The following JOSD2 variants were observed in gnomAD, a reference collection of about 807,000 sequenced individuals.
JOSD2 encodes josephin-2.
JOSD2 carries 20 observed loss-of-function variants against 19.3 expected under a neutral mutation model. That is an observed-to-expected ratio of 1.04 (90% confidence interval 0.73 to 1.51). The LOEUF is 1.51. JOSD2 is among the 40% of genes most tolerant of loss of function. The pLI is 0.00. For synonymous variants in JOSD2, 118 were observed against 123.7 expected (o/e 0.95, Z 0.31); for missense variants, 215 against 250.4 (o/e 0.86, Z 0.95).
chr19:50,508,113 T>C, intron 2 of JOSD2: 1 of 284,426 alleles, frequency 3.5e-6, no homozygotes, highest in East Asian at 1.0e-4. Context: ...CTCCCTCCAG[T>C]CCATTCCCAC....
chr19:50,506,524 G>A lies in JOSD2; in HGVS notation c.321C>T (p.Asn107=), dbSNP rs1370831364. The A allele has an allele frequency of 4.5e-6, 7 of 1,551,818 alleles. No homozygotes were observed. Among genetic ancestry groups the A allele is most frequent in the Non-Finnish European group, 6.1e-6 (7 of 1,148,068 alleles). The change falls in exon 4 of 5, where the codon AAC becomes AAT. Residue 107 remains asparagine (N), a synonymous_variant. Transcript: ENST00000598418. The part of the protein sequence containing the change: ...ALPQVLGLIL[N]LPSPVSLGLL... ...GCCCCAGCGACACGGGCGAGGGCAG[G>A]TTCAGGATCAGCCCCAGTACCTGGG...
rs764677060 is a variant in JOSD2 at position 50,510,417 on chromosome 19, C to T, written c.15G>A (p.Pro5=). The part of the protein sequence containing the change: MSQA[P]GAQPSPPTVY... ...CGGTGGGTGGGCTCGGCTGTGCTCC[C>T]GGGGCCTGGGACATGCCGTCCTCGG... Residue 5 remains proline (P), a synonymous_variant, in exon 2 of 5, where the codon CCG becomes CCA. Transcript: ENST00000598418. 1.9e-6 allele frequency: 3 copies of T among 1,610,082 alleles called. No homozygotes were observed. The highest frequency in any genetic ancestry group is 2.5e-6 in the Non-Finnish European group (3 of 1,178,080).
At position 50,506,037 on chromosome 19, in the gene JOSD2, T is replaced by A; in HGVS notation, c.*136A>T. 1.4e-6 allele frequency: 1 copy of A among 713,348 alleles called. No homozygotes were observed. Among genetic ancestry groups the A allele is most frequent in the Non-Finnish European group, 2.3e-6 (1 of 443,568 alleles). The allele number at this position is 713,348 out of a possible 1,614,324, so 44.2% of individuals were successfully genotyped here. A position where few individuals can be genotyped will look rare whatever the true frequency, so the allele number is the denominator to read the frequency against. On this transcript the variant is annotated 3_prime_UTR_variant, in exon 5 of 5. Transcript: ENST00000598418. ...AGATTTATTGAGGCAGCAGCGGCAG[T>A]GGGGAGCAGGGGTGTGGGGAGGGGG...
At chr19:50,506,673 C>T in intron 3 of JOSD2, 101 bp from the exon 4 acceptor site, 1 of 1,054,750 alleles carries the variant, frequency 9.5e-7, no homozygotes. Flanking sequence ...GTGAGGGCCT[C>T]CTGAGCCCAC....
chr19:50,510,849 T>G (rs1013902290), intron 1 of JOSD2, among the ~76,000 whole-genome samples: 2 of 150,612 alleles, frequency 1.3e-5, no homozygotes. Context: ...CACCTAGCAA[T>G]AGAGAATCCT....
In JOSD2 at chr19:50,506,480, C is replaced by T. The variant is rs772170649; in HGVS notation, c.365G>A (p.Arg122His). Residue 122 changes from arginine (R) to histidine (H), a missense_variant, in exon 4 of 5, where the codon CGC (arginine) becomes CAC (histidine). Physicochemically the swap from Arg to His is conservative, Grantham distance 29. Coordinates refer to ENST00000598418, the MANE Select transcript of JOSD2 (RefSeq NM_001270639.2). ...GCGCAGGGCCACCCAGTGCCGCCGG[C>T]GCAGCGGCAGTGACAGCAGCCCCAG... is the stretch of plus-strand genomic sequence containing the variant. ...VSLGLLSLPL[R>H]RRHWVALRQV... is the part of the protein sequence containing the mutation. 15 of 1,572,068 alleles carry T rather than the reference C, an allele frequency of 9.5e-6. No homozygotes were observed. The highest frequency in any genetic ancestry group is 5.6e-5 in the Admixed American group (3 of 53,778).
At position 50,507,906 on chromosome 19, in the gene JOSD2, C is replaced by G. The variant is rs1251018426; in HGVS notation, c.147-207G>C. On this transcript the variant is annotated intron_variant, in intron 2 of 4. Coordinates refer to ENST00000598418, the MANE Select transcript of JOSD2 (RefSeq NM_001270639.2). ...CTCTCCTGCCCTGACTCTGCCCTGT[C>G]CCCAAGTCCTGCCTCTCCTGCCCCG... 9.3e-6 allele frequency: 6 copies of G among 642,416 alleles called. No individual in the cohort carries two copies. In the East Asian group the frequency reaches 1.4e-4, roughly 15 times the overall value. The allele number at this position is 642,416 out of a possible 1,614,324, so 39.8% of individuals were successfully genotyped here.
chr19:50,510,469 A>C (rs1406775071), intron 1 of JOSD2, 21 bp from the exon 2 acceptor site: 2 of 1,579,078 alleles, frequency 1.3e-6, no homozygotes, highest in Non-Finnish European at 1.7e-6. Context: ...GGAGGGGGAG[A>C]AGGTCCTCAG....
rs1270091513 is a variant in JOSD2, at chr19:50,506,281, G to A, written c.468-9C>T. 2.5e-6 allele frequency: 4 copies of A among 1,612,176 alleles called. No homozygotes were observed. Among genetic ancestry groups the A allele is most frequent in the Non-Finnish European group, 3.4e-6 (4 of 1,179,568 alleles). On this transcript the variant is annotated splice_polypyrimidine_tract_variant and intron_variant, in intron 4 of 4. Transcript: ENST00000598418. ...CAGCCGCCAGGAAGGCCCTGGGTGG[G>A]AGAAATGGGGAGACTGAGGCTCGGC...
rs373735588 is a variant in JOSD2, at chr19:50,507,555, G to A, written c.272+19C>T. The stretch of plus-strand genomic sequence containing the variant: ...CTCTGTGCCCGGCCCAGCACATGCT[G>A]TGCTGCTCTGGGGCCTACCTCCTCC... On this transcript the variant is annotated intron_variant, in intron 3 of 4. Coordinates refer to ENST00000598418, the MANE Select transcript of JOSD2 (RefSeq NM_001270639.2). 17 of 1,597,402 alleles carry A rather than the reference G, an allele frequency of 1.1e-5. No homozygotes were observed. The highest frequency in any genetic ancestry group is 1.3e-5 in the Non-Finnish European group (15 of 1,177,602).
intron 1 of JOSD2, 128 bp downstream of exon 1, chr19:50,510,989 A>G: frequency 2.4e-6 from 1 of 409,678 alleles, no homozygotes; most frequent in Non-Finnish European, 5.0e-6. Context: ...CCCAGTCACT[A>G]AGCAACAGGA....
rs1979730536 is a variant in JOSD2, at chr19:50,510,524, C to T, written c.-17-76G>A. The T allele has an allele frequency of 2.2e-6, 3 of 1,383,810 alleles. No individual in the cohort carries two copies. In the South Asian group the frequency reaches 4.1e-5, roughly 19 times the overall value. 85.7% of individuals were successfully genotyped at this position (1,383,810 alleles called of 1,614,324 possible). On this transcript the variant is annotated intron_variant, in intron 1 of 4. Transcript: ENST00000598418. Reference sequence around the variant, plus strand: ...CCAGCCTCCCAGCAGGCCTTTGGGGCATCGCCATTGATTGAGCTGGGACTC... The same window carrying T: ...CCAGCCTCCCAGCAGGCCTTTGGGGTATCGCCATTGATTGAGCTGGGACTC...
chr19:50,507,796 A>C, intron 2 of JOSD2, 97 bp from the exon 3 acceptor site: 2 of 1,452,142 alleles, frequency 1.4e-6, no homozygotes, highest in East Asian at 2.3e-5. Flanking sequence ...TCAGCCTTTG[A>C]CTCTCCCCGC....
Position 50,510,308 on chromosome 19 carries a change from C to T in JOSD2, c.124G>A (p.Ala42Thr), listed in dbSNP as rs1029751783. The T allele has an allele frequency of 6.2e-7, 1 of 1,613,296 alleles. No homozygotes were observed. The highest frequency in any genetic ancestry group is 8.5e-7 in the Non-Finnish European group (1 of 1,180,020). The part of the protein sequence containing the change: ...VLQQQLFSQE[A>T]ADEICKRLAP... ...CACCTCTTGCAGATCTCATCGGCAG[C>T]CTCCTGGCTAAAGAGCTGCTGCTGC... The change falls in exon 2 of 5, where the codon GCT becomes ACT. Residue 42 changes from alanine (A) to threonine (T), a missense_variant. By Grantham distance (58) the Ala-to-Thr change is moderately conservative. Transcript: ENST00000598418.
rs769770907 is a variant in JOSD2, at chr19:50,506,146, G to A, written c.*27C>T. On this transcript the variant is annotated 3_prime_UTR_variant, in exon 5 of 5. Coordinates refer to ENST00000598418, the MANE Select transcript of JOSD2 (RefSeq NM_001270639.2). ...CCGGAGGGGGATGCGCAGGGACTGC[G>A]CTGTGGGCGCCGATGGTCAGCCATG... is the stretch of plus-strand genomic sequence containing the variant. 6 of 1,605,830 alleles carry A rather than the reference G, an allele frequency of 3.7e-6. 1 individual carries two copies. In the South Asian group the frequency reaches 4.4e-5, roughly 12 times the overall value.
In JOSD2 at chr19:50,506,447, T is replaced by A. The variant is rs1394477645; in HGVS notation, c.398A>T (p.Asp133Val). The A allele has an allele frequency of 6.3e-7, 1 of 1,596,980 alleles. No individual in the cohort carries two copies. Among genetic ancestry groups the A allele is most frequent in the Non-Finnish European group, 8.5e-7 (1 of 1,172,958 alleles). The change falls in exon 4 of 5, where the codon GAC becomes GTC. Residue 133 changes from aspartate to valine, a missense_variant. Coordinates refer to ENST00000598418, the MANE Select transcript of JOSD2 (RefSeq NM_001270639.2). Reference sequence around the variant, plus strand: ...GGAGTCCAGGTTGTAGTAGACACCGTCCACCTGGCGCAGGGCCACCCAGTG... The same window carrying A: ...GGAGTCCAGGTTGTAGTAGACACCGACCACCTGGCGCAGGGCCACCCAGTG... The part of the protein sequence containing the change: ...RRHWVALRQV[D>V]GVYYNLDSKL...
intron 1 of JOSD2, 101 bp downstream of exon 1, chr19:50,511,016 C>G (rs1979807631): frequency 9.1e-6 from 4 of 441,608 alleles, no homozygotes; most frequent in Admixed American, 2.4e-5. Context: ...CTTCCTATCA[C>G]CCAGCAACCA....
chr19:50,506,320 C>T lies in JOSD2; in HGVS notation c.468-48G>A, dbSNP rs778890714. On this transcript the variant is annotated intron_variant, in intron 4 of 4. Transcript: ENST00000598418. ...CTGAGGCTCGGCCAGCCTGGGCATTCCGTCTGGGGAGTGGGGTTTCAGGCC... is the reference window on the plus strand; with the variant it reads ...CTGAGGCTCGGCCAGCCTGGGCATTTCGTCTGGGGAGTGGGGTTTCAGGCC... The T allele has an allele frequency of 3.7e-6, 6 of 1,608,584 alleles. No individual in the cohort carries two copies. The South Asian group carries it at 6.6e-5, about 18-fold the overall frequency.
chr19:50,507,569 C>T lies in JOSD2; in HGVS notation c.272+5G>A. 6.2e-7 allele frequency: 1 copy of T among 1,602,004 alleles called. No homozygotes were observed. The highest frequency in any genetic ancestry group is 1.1e-5 in the South Asian group (1 of 90,840). ...CAGCACATGCTGTGCTGCTCTGGGG[C>T]CTACCTCCTCCTGTCCCACCACACG... is the stretch of plus-strand genomic sequence containing the variant. On this transcript the variant is annotated splice_donor_5th_base_variant and intron_variant, in intron 3 of 4. Coordinates refer to ENST00000598418, the MANE Select transcript of JOSD2 (RefSeq NM_001270639.2).
Sources: allele counts gnomAD v4.1 joint callset (sites outside exome capture counted in the v4.1 genomes callset), GRCh38; gene constraint gnomAD v4.1.1; transcripts MANE v1.5; gene names NCBI Gene and HGNC (gene_info 2026-07-23, HGNC 2026-07-21).